The following PROZ variants were observed in gnomAD, a reference collection of about 807,000 sequenced individuals.
PROZ encodes protein Z, vitamin K dependent plasma glycoprotein.
Under a neutral mutation model 34.9 loss-of-function variants are expected in PROZ, and 46 were observed. That is an observed-to-expected ratio of 1.32 (90% CI 1.04 to 1.69). The LOEUF (loss-of-function observed/expected upper bound fraction) is 1.69, where lower values mean the gene tolerates loss of function less well. Ranked by LOEUF, PROZ falls within the 40% of genes most tolerant of loss-of-function variation. The probability of loss-of-function intolerance (pLI) is 0.00; values close to 1 mark genes in which losing one functional copy is unlikely to be tolerated. For synonymous variants in PROZ, 195 were observed against 208.5 expected (o/e 0.94, Z 0.56); for missense variants, 530 against 520.4 (o/e 1.02, Z -0.18).
chr13:113,164,393 AAC>A lies in PROZ; in HGVS notation c.374-119_374-118del, dbSNP rs538972830. 2,028 of 1,153,946 alleles carry A rather than the reference AAC, an allele frequency of 1.8e-3. 3 individuals are homozygous for A. The highest frequency in any genetic ancestry group is 2.1e-3 in the Non-Finnish European group (1,705 of 793,030). The allele number at this position is 1,153,946 out of a possible 1,614,324, so 71.5% of individuals were successfully genotyped here. A position where few individuals can be genotyped will look rare whatever the true frequency, so the allele number is the denominator to read the frequency against. Reference sequence around the variant, plus strand: ...GAGAACACATGGACCAACACACCAGAACTCTTGTGTGCAAGGCTGTGATAAAA... The same window carrying A: ...GAGAACACATGGACCAACACACCAGATCTTGTGTGCAAGGCTGTGATAAAA... On this transcript the variant is annotated intron_variant, in intron 4 of 7. Coordinates refer to ENST00000375547, the MANE Select transcript of PROZ (RefSeq NM_003891.3).
At chr13:113,170,314 G>A in intron 6 of PROZ, 99 bp from the exon 7 acceptor site, 1 of 734,868 alleles carries the variant, frequency 1.4e-6, no homozygotes, top group South Asian at 1.5e-5. Flanking sequence ...GGTGGGGGTG[G>A]GGGTGGGGGG....
chr13:113,159,132 A>C lies in PROZ; in HGVS notation c.70+402A>C. ...TTGGCCAGGCCAGCCAGGAATGCCC[A>C]GTCTTGAGTCAGGAGACATAGCCAG... On this transcript the variant is annotated intron_variant, in intron 1 of 7. Transcript: ENST00000375547. This position sits in a 1 kb window ranked among gnomAD's most constrained non-coding sequence, Gnocchi z 4.6. 8.0e-7 allele frequency: 1 copy of C among 1,252,876 alleles called. No individual in the cohort carries two copies. Among genetic ancestry groups the C allele is most frequent in the South Asian group, 1.3e-5 (1 of 77,426 alleles). 77.6% of individuals were successfully genotyped at this position (1,252,876 alleles called of 1,614,324 possible). A position where few individuals can be genotyped will look rare whatever the true frequency, so the allele number is the denominator to read the frequency against.
intron 6 of PROZ, among the ~76,000 whole-genome samples, chr13:113,165,471 A>G (rs3024737): frequency 0.012 from 1,805 of 152,268 alleles, 43 homozygotes; most frequent in African/African-American, 0.04. Flanking sequence ...CTAGTTTGGC[A>G]TTCATTTTTG....
At position 113,159,038 on chromosome 13, in the gene PROZ, GTT is replaced by G; in HGVS notation, c.70+309_70+310del. Among the ~76,000 whole-genome samples the G allele has an allele frequency of 7.6e-6, 1 of 131,232 alleles. No individual in the cohort carries two copies. Among genetic ancestry groups the G allele is most frequent in the Admixed American group, 8.1e-5 (1 of 12,322 alleles). 86.1% of individuals were successfully genotyped at this position (131,232 alleles called of 152,430 possible). On this transcript the variant is annotated intron_variant, in intron 1 of 7. Transcript: ENST00000375547. The surrounding 1 kb of genome is among the most constrained non-coding windows in gnomAD (Gnocchi z 4.6). ...GGGGGAGGAGTGGGGGGAGGCCTGG[GTT>G]GGGCATTGGACGAGGGGAGGGGGTG...
intron 2 of PROZ, among the ~76,000 whole-genome samples, chr13:113,160,729 A>G (rs2036744974): frequency 6.6e-6 from 1 of 152,168 alleles, no homozygotes; most frequent in African/African-American, 2.4e-5. Context: ...GGTGGTGGTA[A>G]GCACATGTTG....
chr13:113,171,391 T>C lies in PROZ; in HGVS notation c.692-203T>C, dbSNP rs2037106304. Among the ~76,000 whole-genome samples, 1 of 152,324 alleles carries C rather than the reference T, an allele frequency of 6.6e-6. No individual in the cohort carries two copies. Among genetic ancestry groups the C allele is most frequent in the Admixed American group, 6.5e-5 (1 of 15,300 alleles). On this transcript the variant is annotated intron_variant, in intron 7 of 7. Transcript: ENST00000375547. This position sits in a 1 kb window ranked among gnomAD's most constrained non-coding sequence, Gnocchi z 5.1. Reference sequence around the variant, plus strand: ...TAACCTTGACTGTTTTTAAAGGCTGTGGCACTTGGTTGCAATCGTGCAATC... The same window carrying C: ...TAACCTTGACTGTTTTTAAAGGCTGCGGCACTTGGTTGCAATCGTGCAATC...
intron 6 of PROZ, among the ~76,000 whole-genome samples, chr13:113,166,788 T>C (rs1046508039): frequency 1.3e-5 from 2 of 152,198 alleles, no homozygotes; most frequent in Admixed American, 1.3e-4. Flanking sequence ...CAGAGTGCAG[T>C]GGTCCTCCAT....
chr13:113,172,332 G>T lies in PROZ; in HGVS notation c.*227G>T, dbSNP rs2037132243. 5.1e-6 allele frequency: 3 copies of T among 586,776 alleles called. No homozygotes were observed. The highest frequency in any genetic ancestry group is 9.1e-6 in the Non-Finnish European group (3 of 331,172). The allele number at this position is 586,776 out of a possible 1,614,324, so 36.3% of individuals were successfully genotyped here. A position where few individuals can be genotyped will look rare whatever the true frequency, so the allele number is the denominator to read the frequency against. On this transcript the variant is annotated 3_prime_UTR_variant, in exon 8 of 8. Coordinates refer to ENST00000375547, the MANE Select transcript of PROZ (RefSeq NM_003891.3). ...CTTTATCTCAATAGAGACCTTAAAA[G>T]AAAACATGAGATACGTTAAATAATA...
At position 113,170,530 on chromosome 13, in the gene PROZ, TGTAA is replaced by T. The variant is rs2037081194; in HGVS notation, c.691+4_691+7del. On this transcript the variant is annotated splice_donor_variant and splice_donor_region_variant and intron_variant, in intron 7 of 7. Coordinates refer to ENST00000375547, the MANE Select transcript of PROZ (RefSeq NM_003891.3). LOFTEE classifies it high-confidence loss of function. Reference sequence around the variant, plus strand: ...ACACAGGAATATTACTGTAAAAACATGTAAGTATTTTATCATGAGTTTTTATAAA... The same window carrying T: ...ACACAGGAATATTACTGTAAAAACATGTATTTTATCATGAGTTTTTATAAA... 6.6e-7 allele frequency: 1 copy of T among 1,522,628 alleles called. No individual in the cohort carries two copies. The highest frequency in any genetic ancestry group is 9.1e-7 in the Non-Finnish European group (1 of 1,097,126). The allele number at this position is 1,522,628 out of a possible 1,614,324, so 94.3% of individuals were successfully genotyped here.
At chr13:113,166,758 G>A (rs1209033010) in intron 6 of PROZ, among the ~76,000 whole-genome samples, 2 of 152,198 alleles carry the variant, frequency 1.3e-5, no homozygotes. Context: ...AGTGCGCTGA[G>A]GGTCGGTACT....
chr13:113,171,618 C>G lies in PROZ; in HGVS notation c.716C>G (p.Pro239Arg). 1 of 1,614,142 alleles carries G rather than the reference C, an allele frequency of 6.2e-7. No homozygotes were observed. Among genetic ancestry groups the G allele is most frequent in the Non-Finnish European group, 8.5e-7 (1 of 1,180,028 alleles). ...GATTTTAACAGAACGAGCCAAGACCCGCTGATGATCAAGATAACGCACGTC... is the reference window on the plus strand; with the variant it reads ...GATTTTAACAGAACGAGCCAAGACCGGCTGATGATCAAGATAACGCACGTC... ...KTYFNRTSQD[P>R]LMIKITHVHV... Residue 239 changes from proline (P) to arginine (R), a missense_variant, in exon 8 of 8, where the codon CCG (proline) becomes CGG (arginine). Physicochemically the swap from Pro to Arg is moderately radical, Grantham distance 103. Transcript: ENST00000375547. The surrounding 1 kb of genome is among the most constrained non-coding windows in gnomAD (Gnocchi z 5.1).
At chr13:113,164,421 T>C in intron 4 of PROZ, 92 bp from the exon 5 acceptor site, 1 of 1,446,116 alleles carries the variant, frequency 6.9e-7, no homozygotes, top group South Asian at 1.2e-5. Flanking sequence ...TGTGATAAAA[T>C]GAACATGGAC....
At position 113,171,494 on chromosome 13, in the gene PROZ, G is replaced by A. The variant is rs757718730; in HGVS notation, c.692-100G>A. On this transcript the variant is annotated intron_variant, in intron 7 of 7. Coordinates refer to ENST00000375547, the MANE Select transcript of PROZ (RefSeq NM_003891.3). The surrounding 1 kb of genome is among the most constrained non-coding windows in gnomAD (Gnocchi z 5.1). ...GTGAGCCTGCGGGTCCTCCAGGGCC[G>A]GTCTCTCCCTCCTCACGTGGCTCCC... is the stretch of plus-strand genomic sequence containing the variant. 101 of 1,491,678 alleles carry A rather than the reference G, an allele frequency of 6.8e-5. No homozygotes were observed. Among genetic ancestry groups the A allele is most frequent in the Admixed American group, 9.1e-5 (5 of 54,730 alleles). The allele number at this position is 1,491,678 out of a possible 1,614,324, so 92.4% of individuals were successfully genotyped here.
chr13:113,158,672 C>A lies in PROZ; in HGVS notation c.12C>A (p.Cys4Ter), dbSNP rs753322276. ...CGCTCCGGGTGGGAATGGCAGGCTG[C>A]GTCCCACTGCTCCAGGGCCTGGTCC... The part of the protein sequence containing the change: MAG[C>*]VPLLQGLVLV... The change falls in exon 1 of 8, where the codon TGC (cysteine) becomes TGA (stop). Residue 4 changes from cysteine (C) to a stop codon, truncating the protein, a stop_gained. Coordinates refer to ENST00000375547, the MANE Select transcript of PROZ (RefSeq NM_003891.3). LOFTEE classifies it high-confidence loss of function. This position sits in a 1 kb window ranked among gnomAD's most constrained non-coding sequence, Gnocchi z 4.3. The A allele has an allele frequency of 1.7e-5, 28 of 1,603,856 alleles. No individual in the cohort carries two copies. The highest frequency in any genetic ancestry group is 2.4e-5 in the Non-Finnish European group (28 of 1,176,160).
In PROZ at chr13:113,159,720, C is replaced by CA. The variant is rs2036727941; in HGVS notation, c.71-290dup. The stretch of plus-strand genomic sequence containing the variant: ...CTCAGCCTTCCTTCGCACTCAGACC[C>CA]AAAACCCAGTTGGAGCCCTCCCTCC... On this transcript the variant is annotated intron_variant, in intron 1 of 7. Coordinates refer to ENST00000375547, the MANE Select transcript of PROZ (RefSeq NM_003891.3). This position sits in a 1 kb window ranked among gnomAD's most constrained non-coding sequence, Gnocchi z 4.6. Among the ~76,000 whole-genome samples, 1 of 152,232 alleles carries CA rather than the reference C, an allele frequency of 6.6e-6. No homozygotes were observed. Among genetic ancestry groups the CA allele is most frequent in the African/African-American group, 2.4e-5 (1 of 41,458 alleles).
chr13:113,170,665 A>T lies in PROZ; in HGVS notation c.691+135A>T, dbSNP rs1331841439. 3 of 663,608 alleles carry T rather than the reference A, an allele frequency of 4.5e-6. No individual in the cohort carries two copies. The African/African-American group carries it at 5.4e-5, about 12-fold the overall frequency. 41.1% of individuals were successfully genotyped at this position (663,608 alleles called of 1,614,324 possible). On this transcript the variant is annotated intron_variant, in intron 7 of 7. Coordinates refer to ENST00000375547, the MANE Select transcript of PROZ (RefSeq NM_003891.3). ...TGAATTTACTGTCAATAAAACTGAG[A>T]TACTTATCAACTCAGGAAGCATATG...
At chr13:113,164,915 C>CT in intron 5 of PROZ, 138 bp from the exon 6 acceptor site, 3 of 968,108 alleles carry the variant, frequency 3.1e-6, no homozygotes, top group Non-Finnish European at 3.2e-6. Context: ...AATTACTGCA[C>CT]ATTCATCAGC....
Position 113,163,015 on chromosome 13 carries a change from C to T in PROZ, c.266C>T (p.Ser89Phe). ...DEFWRRYKGGSPCISQPCLHN... is the reference protein window; with the variant it reads ...DEFWRRYKGGFPCISQPCLHN... The stretch of plus-strand genomic sequence containing the variant: ...CCCCATCCTCCTCCTGCAGGCGGCT[C>T]CCCGTGCATCTCCCAGCCCTGCCTC... The change falls in exon 4 of 8, where the codon TCC (serine) becomes TTC (phenylalanine). Residue 89 changes from serine to phenylalanine, a missense_variant. Ser to Phe is a radical substitution (Grantham distance 155, BLOSUM62 -2). Coordinates refer to ENST00000375547, the MANE Select transcript of PROZ (RefSeq NM_003891.3). 6.5e-7 allele frequency: 1 copy of T among 1,548,860 alleles called. No homozygotes were observed. The highest frequency in any genetic ancestry group is 8.7e-7 in the Non-Finnish European group (1 of 1,144,356).
In PROZ at chr13:113,171,710, C is replaced by A; in HGVS notation, c.808C>A (p.Pro270Thr). The stretch of plus-strand genomic sequence containing the variant: ...CCTGTCACTGCTGGAGCTGGAGTGG[C>A]CCATCCAGTGCCCAGGTGCGGGGCT... ...NDLSLLELEW[P>T]IQCPGAGLPV... Residue 270 changes from proline (P) to threonine (T), a missense_variant, in exon 8 of 8, where the codon CCC becomes ACC. By Grantham distance (38) the Pro-to-Thr change is conservative. Coordinates refer to ENST00000375547, the MANE Select transcript of PROZ (RefSeq NM_003891.3). The surrounding 1 kb of genome is among the most constrained non-coding windows in gnomAD (Gnocchi z 5.1). 1 of 1,613,418 alleles carries A rather than the reference C, an allele frequency of 6.2e-7. No individual in the cohort carries two copies.
Sources: allele counts gnomAD v4.1 joint callset (sites outside exome capture counted in the v4.1 genomes callset), GRCh38; gene constraint gnomAD v4.1.1; non-coding constraint Gnocchi (gnomAD v3.1); transcripts MANE v1.5; gene names NCBI Gene and HGNC (gene_info 2026-07-23, HGNC 2026-07-21).